Variants in DPP10 observed in about 807,000 individuals in gnomAD.
DPP10 encodes the protein dipeptidyl peptidase like 10.
In DPP10, 33 loss-of-function variants were observed where a neutral mutation model predicts 120.9. The observed-to-expected ratio is 0.27, with a 90% CI of 0.21 to 0.37. The LOEUF (loss-of-function observed/expected upper bound fraction) is 0.37. Among genes scored for constraint, DPP10 ranks in the 10% least tolerant of loss-of-function variants. The probability of loss-of-function intolerance (pLI) is 1.00; values close to 1 mark genes in which losing one functional copy is unlikely to be tolerated. For synonymous variants in DPP10, 337 were observed against 326.1 expected (o/e 1.03, Z -0.36); for missense variants, 816 against 942.8 (o/e 0.87, Z 1.76).
At chr2:115,771,497 T>A (rs1043888281) in intron 13 of DPP10, among the ~76,000 whole-genome samples, 1 of 152,178 alleles carries the variant, frequency 6.6e-6, no homozygotes, top group African/African-American at 2.4e-5. Flanking sequence ...CCCGCAAAAT[T>A]ATATTTCTAG....
rs573628678 is a variant in DPP10, at chr2:115,427,495, C to G, written c.272-72015C>G. ...ACCAAGGCTTATGGTGGCTTATGCT[C>G]TCTGGAGTGGCCCAAGCTGTACTGT... On this transcript the variant is annotated intron_variant, in intron 3 of 25. Coordinates refer to ENST00000410059, the MANE Select transcript of DPP10 (RefSeq NM_020868.6). Among the ~76,000 whole-genome samples the G allele has an allele frequency of 4.6e-5, 7 of 152,338 alleles. No individual in the cohort carries two copies. The South Asian group carries it at 1.0e-3, about 23-fold the overall frequency.
At chr2:114,735,875 C>T (rs1235162554) in intron 1 of DPP10, among the ~76,000 whole-genome samples, 3 of 151,964 alleles carry the variant, frequency 2.0e-5, no homozygotes, top group African/African-American at 7.2e-5. Flanking sequence ...AATGTTCACT[C>T]TCACTTCAAC....
intron 1 of DPP10, among the ~76,000 whole-genome samples, chr2:115,078,227 A>G (rs937522813): frequency 2.6e-5 from 4 of 152,242 alleles, no homozygotes; most frequent in Non-Finnish European, 4.4e-5. Flanking sequence ...AATATATGTG[A>G]CATTCAAATG....
At chr2:115,348,601 T>C (rs1315432293) in intron 3 of DPP10, among the ~76,000 whole-genome samples, 1 of 152,156 alleles carries the variant, frequency 6.6e-6, no homozygotes, top group Non-Finnish European at 1.5e-5. Context: ...AGCTATTAGA[T>C]AAAATCAATC....
chr2:115,841,672 G>C (rs776212115), intron 25 of DPP10, among the ~76,000 whole-genome samples: 1 of 152,060 alleles, frequency 6.6e-6, no homozygotes, highest in Non-Finnish European at 1.5e-5. Context: ...GGAATTAATG[G>C]GATAATATTT....
At chr2:114,486,205 T>A (rs1436429482) in intron 1 of DPP10, among the ~76,000 whole-genome samples, 1 of 152,144 alleles carries the variant, frequency 6.6e-6, no homozygotes, top group East Asian at 1.9e-4. Flanking sequence ...AGTATACTTT[T>A]ATGAGTGCGT....
intron 1 of DPP10, among the ~76,000 whole-genome samples, chr2:115,262,925 T>C (rs931176222): frequency 6.6e-6 from 1 of 152,192 alleles, no homozygotes; most frequent in Admixed American, 6.5e-5. Context: ...ATCATGGTAC[T>C]TGCAGTGGAA....
intron 1 of DPP10, among the ~76,000 whole-genome samples, chr2:114,720,969 T>G (rs1701668031): frequency 6.6e-6 from 1 of 152,208 alleles, no homozygotes; most frequent in Non-Finnish European, 1.5e-5. Context: ...AGAGCTGCCC[T>G]AGAAAACTAC....
chr2:115,368,158 C>A (rs2065188182), intron 3 of DPP10, among the ~76,000 whole-genome samples: 1 of 152,050 alleles, frequency 6.6e-6, no homozygotes, highest in Admixed American at 6.6e-5. Context: ...TTTGTGCTAA[C>A]AAAATCATAC....
chr2:114,489,157 G>A (rs1354011366), intron 1 of DPP10, among the ~76,000 whole-genome samples: 9 of 152,138 alleles, frequency 5.9e-5, no homozygotes, highest in Admixed American at 4.6e-4. Context: ...ATCCATGCCC[G>A]GATCCCTTAT....
intron 1 of DPP10, among the ~76,000 whole-genome samples, chr2:114,502,513 T>C (rs1178922375): frequency 6.6e-6 from 1 of 152,188 alleles, no homozygotes; most frequent in African/African-American, 2.4e-5. Context: ...GCTTAAGAGA[T>C]TCCAAAACAG....
intron 19 of DPP10, among the ~76,000 whole-genome samples, chr2:115,803,812 A>T (rs1482185928): frequency 6.6e-6 from 1 of 152,144 alleles, no homozygotes; most frequent in Non-Finnish European, 1.5e-5. Flanking sequence ...TGTTAGTCTG[A>T]CAGGCTTCCC....
intron 5 of DPP10, among the ~76,000 whole-genome samples, chr2:115,653,482 A>T (rs1239429966): frequency 6.6e-6 from 1 of 151,982 alleles, no homozygotes; most frequent in Non-Finnish European, 1.5e-5. Flanking sequence ...TGTCTAAATG[A>T]AATCCTAATT....
chr2:115,640,970 G>T (rs757716893), intron 5 of DPP10, among the ~76,000 whole-genome samples: 1 of 151,972 alleles, frequency 6.6e-6, no homozygotes, highest in African/African-American at 2.4e-5. Flanking sequence ...ATATCTTGTG[G>T]AATTCCTGCT....
intron 5 of DPP10, among the ~76,000 whole-genome samples, chr2:115,530,679 C>CAA (rs70941069): frequency 6.8e-6 from 1 of 147,586 alleles, no homozygotes; most frequent in Non-Finnish European, 1.5e-5. Context: ...GACTCTGTCT[C>CAA]AAAAAAAAAA....
At chr2:114,633,329 G>A (rs1284080703) in intron 1 of DPP10, among the ~76,000 whole-genome samples, 1 of 130,382 alleles carries the variant, frequency 7.7e-6, no homozygotes, top group Non-Finnish European at 1.5e-5. Context: ...TCGGTTCACT[G>A]CAACCTCCAC....
intron 5 of DPP10, among the ~76,000 whole-genome samples, chr2:115,581,328 C>T (rs1296675645): frequency 6.6e-6 from 1 of 152,156 alleles, no homozygotes; most frequent in African/African-American, 2.4e-5. Flanking sequence ...TTTTTACATA[C>T]ATTGTTTCAT....
chr2:115,360,029 G>T (rs982554024), intron 3 of DPP10, among the ~76,000 whole-genome samples: 1 of 151,912 alleles, frequency 6.6e-6, no homozygotes, highest in East Asian at 1.9e-4. Flanking sequence ...CTGCTGTCTC[G>T]GATTGGGTTT....
chr2:114,770,862 T>G (rs114661242), intron 1 of DPP10, among the ~76,000 whole-genome samples: 2,600 of 152,320 alleles, frequency 0.017, 71 homozygotes, highest in African/African-American at 0.059. Context: ...ATACTCAAAA[T>G]TTTTGAAATG....
Sources: gnomAD v4.1 joint callset for allele counts (sites outside exome capture counted in the v4.1 genomes callset) on GRCh38, gnomAD v4.1.1 for gene constraint, MANE v1.5 for transcripts, NCBI Gene and HGNC (gene_info 2026-07-23, HGNC 2026-07-21) for gene names.